Variants in POLR3B observed in about 807,000 individuals in gnomAD.
POLR3B encodes DNA-directed RNA polymerase III subunit RPC2.
POLR3B carries 96 observed loss-of-function variants against 147.4 expected under a neutral mutation model. The ratio of observed to expected loss-of-function variants is 0.65; its 90% CI spans 0.55 to 0.77. The LOEUF is 0.77. POLR3B is among the 30% of genes least tolerant of loss of function. The pLI is 0.00. For missense variants in POLR3B, 1,036 were observed against 1,413.5 expected (o/e 0.73, Z 4.28); for synonymous variants, 461 against 485.9 (o/e 0.95, Z 0.67).
At chr12:106,429,353 G>C (rs2037478448) in intron 13 of POLR3B, among the ~76,000 whole-genome samples, 1 of 152,076 alleles carries the variant, frequency 6.6e-6, no homozygotes, top group Admixed American at 6.6e-5. Flanking sequence ...TTGGCAGGCT[G>C]GTCTTGAACT....
At chr12:106,380,207 G>A in intron 9 of POLR3B, 68 bp downstream of exon 9, 1 of 867,478 alleles carries the variant, frequency 1.2e-6, no homozygotes, top group Non-Finnish European at 1.9e-6. Context: ...TATGTAATTA[G>A]AGATTTGGAG....
chr12:106,500,872 G>A (rs933997258), intron 25 of POLR3B, among the ~76,000 whole-genome samples: 8 of 152,364 alleles, frequency 5.3e-5, no homozygotes, highest in Admixed American at 2.0e-4. Flanking sequence ...TTCCAAGTAT[G>A]ATGGGAAACC....
intron 8 of POLR3B, among the ~76,000 whole-genome samples, chr12:106,379,544 A>G (rs1593007306): frequency 6.6e-6 from 1 of 152,360 alleles, no homozygotes; most frequent in East Asian, 1.9e-4. Context: ...TAGGAATTTT[A>G]TAACTAACAC....
chr12:106,496,285 T>A lies in POLR3B; in HGVS notation c.2817+127T>A, dbSNP rs866719211. The A allele has an allele frequency of 2.6e-5, 19 of 730,084 alleles. No homozygotes were observed. In the African/African-American group the frequency reaches 2.9e-4, roughly 11 times the overall value. 45.2% of individuals were successfully genotyped at this position (730,084 alleles called of 1,614,324 possible). On this transcript the variant is annotated intron_variant, in intron 24 of 27. Transcript: ENST00000228347. ...TTTTCAGGTAGAGCTCTTCTGCCCC[T>A]TGCCAGATAAACAGGCTTCCAGCCC...
At chr12:106,391,085 C>T (rs1275778795) in intron 9 of POLR3B, among the ~76,000 whole-genome samples, 1 of 152,226 alleles carries the variant, frequency 6.6e-6, no homozygotes, top group East Asian at 1.9e-4. Flanking sequence ...TCAGCCAGGG[C>T]TGCAGTTATC....
Position 106,504,015 on chromosome 12 carries a change from T to C in POLR3B, c.3099-66T>C. The stretch of plus-strand genomic sequence containing the variant: ...CAAAGCCTCGTGCTCTCTGCCAGCA[T>C]GTGATGCTACCTCTTTGTTTGTTTA... On this transcript the variant is annotated intron_variant, in intron 26 of 27. Coordinates refer to ENST00000228347, the MANE Select transcript of POLR3B (RefSeq NM_018082.6). This position sits in a 1 kb window ranked among gnomAD's most constrained non-coding sequence, Gnocchi z 4.6. The C allele has an allele frequency of 3.4e-6, 5 of 1,459,056 alleles. No homozygotes were observed. The highest frequency in any genetic ancestry group is 1.7e-4 in the Middle Eastern group (1 of 5,762). The allele number at this position is 1,459,056 out of a possible 1,614,324, so 90.4% of individuals were successfully genotyped here.
chr12:106,410,653 GTCA>G (rs1376755947), intron 11 of POLR3B, 170 bp from the exon 12 acceptor site: 3 of 646,512 alleles, frequency 4.6e-6, no homozygotes, highest in Non-Finnish European at 8.2e-6. Flanking sequence ...ATGATGAAAA[GTCA>G]TCATCTCAGC....
chr12:106,415,327 T>C (rs1314794175), intron 12 of POLR3B, among the ~76,000 whole-genome samples: 1 of 152,196 alleles, frequency 6.6e-6, no homozygotes, highest in Admixed American at 6.6e-5. Flanking sequence ...GATACCAAGT[T>C]AGGGAATGAT....
At chr12:106,432,182 G>A (rs2037519711) in intron 14 of POLR3B, 136 bp from the exon 15 acceptor site, 12 of 747,442 alleles carry the variant, frequency 1.6e-5, no homozygotes, top group South Asian at 7.3e-5. Flanking sequence ...GCATTTGTGC[G>A]AATCACCACA....
intron 13 of POLR3B, among the ~76,000 whole-genome samples, chr12:106,428,932 C>A (rs944271182): frequency 1.3e-5 from 2 of 152,148 alleles, no homozygotes; most frequent in African/African-American, 4.8e-5. Flanking sequence ...GCAAACAGAT[C>A]ATCTAATCTT....
At chr12:106,465,759 A>C (rs1382496185) in intron 23 of POLR3B, among the ~76,000 whole-genome samples, 1 of 152,186 alleles carries the variant, frequency 6.6e-6, no homozygotes, top group Non-Finnish European at 1.5e-5. Context: ...GATGGTTTCC[A>C]GCTTCATCCA....
At chr12:106,369,913 A>G (rs1006031089) in intron 6 of POLR3B, among the ~76,000 whole-genome samples, 8 of 152,068 alleles carry the variant, frequency 5.3e-5, no homozygotes, top group African/African-American at 1.2e-4. Flanking sequence ...CTTTCCTACT[A>G]TAACTCTGAG....
chr12:106,362,837 T>C (rs1304603297), intron 1 of POLR3B, among the ~76,000 whole-genome samples: 3 of 152,080 alleles, frequency 2.0e-5, no homozygotes, highest in Non-Finnish European at 4.4e-5. Context: ...ATTTATATAA[T>C]AAAATGTATG....
intron 23 of POLR3B, among the ~76,000 whole-genome samples, chr12:106,477,153 G>A (rs1349374018): frequency 1.5e-5 from 2 of 137,638 alleles, no homozygotes; most frequent in Admixed American, 1.4e-4. Context: ...TGCCCCTGCT[G>A]GGGGGTGCCT....
At chr12:106,365,889 A>G (rs2036530095) in intron 2 of POLR3B, among the ~76,000 whole-genome samples, 1 of 152,004 alleles carries the variant, frequency 6.6e-6, no homozygotes, top group Admixed American at 6.6e-5. Context: ...TTTTTGTTAA[A>G]AACTAAGATA....
intron 4 of POLR3B, among the ~76,000 whole-genome samples, chr12:106,368,084 T>C (rs534513587): frequency 8.5e-5 from 13 of 152,262 alleles, no homozygotes; most frequent in African/African-American, 2.9e-4. Context: ...TCCTGTCATT[T>C]TTCTGTTGTT....
Position 106,496,104 on chromosome 12 carries a change from T to A in POLR3B, c.2763T>A (p.Ser921=). The A allele has an allele frequency of 6.2e-7, 1 of 1,613,414 alleles. No individual in the cohort carries two copies. Residue 921 remains serine, a synonymous_variant, in exon 24 of 28, where the codon TCT becomes TCA. Transcript: ENST00000228347. The part of the protein sequence containing the change: ...VPQEDMPFCD[S]GICPDIIMNP... ...AGGAAGACATGCCATTTTGTGATTC[T>A]GGCATCTGTCCGGACATCATCATGA...
At chr12:106,498,547 T>G (rs751642617) in intron 25 of POLR3B, among the ~76,000 whole-genome samples, 37 of 152,196 alleles carry the variant, frequency 2.4e-4, no homozygotes, top group Non-Finnish European at 4.0e-4. Flanking sequence ...TGTTTTTTGT[T>G]TGGTTTTGGG....
intron 9 of POLR3B, among the ~76,000 whole-genome samples, chr12:106,383,385 G>T (rs1468792412): frequency 6.6e-6 from 1 of 152,174 alleles, no homozygotes; most frequent in African/African-American, 2.4e-5. Context: ...CTTTTGGCCT[G>T]TCTCAGCTTT....
Sources: allele counts gnomAD v4.1 joint callset (sites outside exome capture counted in the v4.1 genomes callset), GRCh38; gene constraint gnomAD v4.1.1; non-coding constraint Gnocchi (gnomAD v3.1); transcripts MANE v1.5; gene names NCBI Gene and HGNC (gene_info 2026-07-23, HGNC 2026-07-21).